RNGTT: variants seen among roughly 807,000 people sequenced by gnomAD.
RNGTT encodes mRNA-capping enzyme.
RNGTT carries 33 observed loss-of-function variants against 79.3 expected under a neutral mutation model. The ratio of observed to expected loss-of-function variants is 0.42; its 90% CI spans 0.32 to 0.56. The LOEUF (loss-of-function observed/expected upper bound fraction) is 0.56, where lower values mean the gene tolerates loss of function less well. Among genes scored for constraint, RNGTT ranks in the 20% least tolerant of loss-of-function variants. The pLI, the probability that RNGTT is intolerant of heterozygous loss-of-function variation, is 0.17. For missense variants in RNGTT, 497 were observed against 739.1 expected, an observed-to-expected ratio of 0.67 and a Z score of 3.80; for synonymous variants, 222 against 235.9, an observed-to-expected ratio of 0.94 and a Z score of 0.54.
At chr6:88,708,085 G>A (rs144209657) in intron 13 of RNGTT, among the ~76,000 whole-genome samples, 94 of 152,062 alleles carry the variant, frequency 6.2e-4, no homozygotes, top group African/African-American at 2.2e-3. Context: ...TAGTATGCTT[G>A]AACTGATGCC....
At chr6:88,671,794 A>T (rs1774650226) in intron 14 of RNGTT, among the ~76,000 whole-genome samples, 2 of 152,216 alleles carry the variant, frequency 1.3e-5, no homozygotes, top group Admixed American at 1.3e-4. Context: ...ACCTAGAAAT[A>T]ACGCCACATA....
chr6:88,842,113 A>C (rs1781312727), intron 11 of RNGTT, among the ~76,000 whole-genome samples: 1 of 152,256 alleles, frequency 6.6e-6, no homozygotes, highest in Non-Finnish European at 1.5e-5. Flanking sequence ...CAGACAAATT[A>C]TAAAACAAGG....
At chr6:88,891,938 A>G in intron 6 of RNGTT, 23 bp from the exon 7 acceptor site, 1 of 1,445,654 alleles carries the variant, frequency 6.9e-7, no homozygotes, top group Non-Finnish European at 9.4e-7. Context: ...AATAAGAAAA[A>G]TAAGGGAAAG....
At chr6:88,901,551 G>T (rs1334778301) in intron 6 of RNGTT, among the ~76,000 whole-genome samples, 1 of 127,028 alleles carries the variant, frequency 7.9e-6, no homozygotes, top group Non-Finnish European at 1.6e-5. Flanking sequence ...CTGTCGACCA[G>T]GCTGGAGTGC....
Position 88,951,533 on chromosome 6 carries a change from G to A in RNGTT, c.65-10353C>T, listed in dbSNP as rs528542172. 1.5e-4 allele frequency among the ~76,000 whole-genome samples: 23 copies of A among 152,256 alleles called. 1 individual carries two copies. Among genetic ancestry groups the A allele is most frequent in the South Asian group, 8.3e-4 (4 of 4,830 alleles). On this transcript the variant is annotated intron_variant, in intron 1 of 15. Transcript: ENST00000369485. ...GAACTTGCCACAGCCAAACAGATCC[G>A]TTGAAAGAAGCCAGACAGTGCTGTA... is the stretch of plus-strand genomic sequence containing the variant.
chr6:88,948,542 C>CT (rs1785113054), intron 1 of RNGTT, among the ~76,000 whole-genome samples: 1 of 148,304 alleles, frequency 6.7e-6, no homozygotes. Context: ...TGAGGGGCGC[C>CT]TCTGCCCAGC....
chr6:88,713,779 C>T (rs1776402917), intron 13 of RNGTT, among the ~76,000 whole-genome samples: 1 of 151,972 alleles, frequency 6.6e-6, no homozygotes, highest in Admixed American at 6.6e-5. Flanking sequence ...TTTTATTACG[C>T]TACATATGAA....
At chr6:88,649,969 C>T (rs1386100166) in intron 14 of RNGTT, among the ~76,000 whole-genome samples, 1 of 152,088 alleles carries the variant, frequency 6.6e-6, no homozygotes, top group Non-Finnish European at 1.5e-5. Flanking sequence ...ATTGTCTTTA[C>T]TTTTTTTCTC....
intron 14 of RNGTT, among the ~76,000 whole-genome samples, chr6:88,626,659 A>G (rs1772644994): frequency 6.6e-6 from 1 of 152,052 alleles, no homozygotes; most frequent in Admixed American, 6.6e-5. Context: ...ACAAACCACA[A>G]ATCACAGCAA....
chr6:88,624,220 AT>A lies in RNGTT; in HGVS notation c.1507-9826del, dbSNP rs1286643585. ...TAATCACAAGCAAAATCCCCAAAGG[AT>A]TTTTTAATGGATATCAACAACCTGA... On this transcript the variant is annotated intron_variant, in intron 14 of 15. Transcript: ENST00000369485. Among the ~76,000 whole-genome samples, 16 of 151,920 alleles carry A rather than the reference AT, an allele frequency of 1.1e-4. 1 individual carries two copies. The highest frequency in any genetic ancestry group is 1.1e-3 in the Admixed American group (16 of 15,220).
At chr6:88,720,227 G>C (rs1473351034) in intron 13 of RNGTT, among the ~76,000 whole-genome samples, 2 of 151,970 alleles carry the variant, frequency 1.3e-5, no homozygotes, top group Non-Finnish European at 2.9e-5. Context: ...AAGACTTTGG[G>C]CATTATCAAT....
chr6:88,773,039 T>C (rs1778745104), intron 12 of RNGTT, among the ~76,000 whole-genome samples: 2 of 144,294 alleles, frequency 1.4e-5, no homozygotes, highest in African/African-American at 2.6e-5. Context: ...ATTGCGGCAT[T>C]ATTCACAATA....
chr6:88,963,555 G>A lies in RNGTT; in HGVS notation c.-146C>T, dbSNP rs1431618540. 1.6e-5 allele frequency: 11 copies of A among 691,278 alleles called. No individual in the cohort carries two copies. The highest frequency in any genetic ancestry group is 3.3e-5 in the East Asian group (1 of 29,894). The allele number at this position is 691,278 out of a possible 1,614,324, so 42.8% of individuals were successfully genotyped here. A position where few individuals can be genotyped will look rare whatever the true frequency, so the allele number is the denominator to read the frequency against. ...TTCCAACCTCTCCGATCCGGGTAAC[G>A]TCAGGGGCGGCGCGCCACTTTCATT... On this transcript the variant is annotated 5_prime_UTR_variant, in exon 1 of 16. In the 5' UTR this introduces an upstream ATG that the reference lacks. Coordinates refer to ENST00000369485, the MANE Select transcript of RNGTT (RefSeq NM_003800.5).
Position 88,643,363 on chromosome 6 carries a change from A to T in RNGTT, c.1507-28968T>A, listed in dbSNP as rs1208688040. Reference sequence around the variant, plus strand: ...GTTCTACTGAATGTATATTACTTTCACACCATCACAAACTGAAAAATCTCC... The same window carrying T: ...GTTCTACTGAATGTATATTACTTTCTCACCATCACAAACTGAAAAATCTCC... On this transcript the variant is annotated intron_variant, in intron 14 of 15. Coordinates refer to ENST00000369485, the MANE Select transcript of RNGTT (RefSeq NM_003800.5). Among the ~76,000 whole-genome samples, 6 of 152,288 alleles carry T rather than the reference A, an allele frequency of 3.9e-5. No individual in the cohort carries two copies. The East Asian group carries it at 1.2e-3, about 29-fold the overall frequency.
Position 88,612,683 on chromosome 6 carries a change from C to G in RNGTT, c.*36G>C. ...TGGGCAACAGCGTTTTTTCCTCATT[C>G]CTCTTTCTTCTTAACCCTCAAGTCA... On this transcript the variant is annotated 3_prime_UTR_variant, in exon 16 of 16. Coordinates refer to ENST00000369485, the MANE Select transcript of RNGTT (RefSeq NM_003800.5). The G allele has an allele frequency of 6.9e-7, 1 of 1,441,534 alleles. No homozygotes were observed. The highest frequency in any genetic ancestry group is 9.3e-7 in the Non-Finnish European group (1 of 1,072,410). 89.3% of individuals were successfully genotyped at this position (1,441,534 alleles called of 1,614,324 possible). A position where few individuals can be genotyped will look rare whatever the true frequency, so the allele number is the denominator to read the frequency against.
rs1046434 is a variant in RNGTT, at chr6:88,612,650, T to G, written c.*69A>C. On this transcript the variant is annotated 3_prime_UTR_variant, in exon 16 of 16. Transcript: ENST00000369485. ...ACAGTCGTTTTTCAATTTCTCTGGC[T>G]ACAAAAATGGGCAACAGCGTTTTTT... is the stretch of plus-strand genomic sequence containing the variant. The G allele has an allele frequency of 9.3e-6, 13 of 1,399,466 alleles. No homozygotes were observed. Among genetic ancestry groups the G allele is most frequent in the East Asian group, 2.5e-5 (1 of 40,200 alleles). 86.7% of individuals were successfully genotyped at this position (1,399,466 alleles called of 1,614,324 possible). A position where few individuals can be genotyped will look rare whatever the true frequency, so the allele number is the denominator to read the frequency against.
intron 13 of RNGTT, among the ~76,000 whole-genome samples, chr6:88,730,670 C>A (rs1288261840): frequency 4.6e-5 from 7 of 152,226 alleles, no homozygotes; most frequent in Non-Finnish European, 8.8e-5. Context: ...TCCTAACAGG[C>A]CATGGACTGG....
intron 13 of RNGTT, among the ~76,000 whole-genome samples, chr6:88,702,341 A>C (rs552265721): frequency 6.6e-6 from 1 of 152,272 alleles, no homozygotes; most frequent in South Asian, 2.1e-4. Flanking sequence ...GCCAAACCAC[A>C]TGATACTGGT....
At chr6:88,897,348 A>G (rs1421768632) in intron 6 of RNGTT, among the ~76,000 whole-genome samples, 3 of 152,072 alleles carry the variant, frequency 2.0e-5, no homozygotes, top group Non-Finnish European at 4.4e-5. Flanking sequence ...CACAATCTCA[A>G]TTACATCTCC....
Sources: gnomAD v4.1 joint callset for allele counts (sites outside exome capture counted in the v4.1 genomes callset) on GRCh38, gnomAD v4.1.1 for gene constraint, MANE v1.5 for transcripts, NCBI Gene and HGNC (gene_info 2026-07-23, HGNC 2026-07-21) for gene names.